The following DROSHA variants were observed in gnomAD, a reference collection of about 807,000 sequenced individuals.
The protein encoded by DROSHA is ribonuclease 3.
A neutral mutation model predicts 181.9 loss-of-function variants in DROSHA; 56 were observed. That is an observed-to-expected ratio of 0.31 (90% CI 0.25 to 0.38). The LOEUF (loss-of-function observed/expected upper bound fraction) is 0.38, where lower values mean the gene tolerates loss of function less well. DROSHA is among the 10% of genes least tolerant of loss of function. The probability of loss-of-function intolerance (pLI) is 1.00; values close to 1 mark genes in which losing one functional copy is unlikely to be tolerated. For synonymous variants in DROSHA, 524 were observed against 591.2 expected, an observed-to-expected ratio of 0.89 and a Z score of 1.65; for missense variants, 1,218 against 1,743.5, an observed-to-expected ratio of 0.70 and a Z score of 5.37.
intron 28 of DROSHA, among the ~76,000 whole-genome samples, 167 bp downstream of exon 28, chr5:31,424,260 A>T (rs1026702290): frequency 6.6e-6 from 1 of 152,176 alleles, no homozygotes; most frequent in African/African-American, 2.4e-5. Flanking sequence ...GCATGGGTTC[A>T]TTCTCCTATT....
chr5:31,408,373 T>G (rs998074488), intron 33 of DROSHA, among the ~76,000 whole-genome samples: 13 of 152,216 alleles, frequency 8.5e-5, no homozygotes, highest in African/African-American at 3.1e-4. Context: ...AATCCTTTCA[T>G]TTTGTAATTC....
intron 35 of DROSHA, among the ~76,000 whole-genome samples, chr5:31,403,416 C>CAT (rs10667931): frequency 0.046 from 7,031 of 152,008 alleles, 243 homozygotes; most frequent in East Asian, 0.17. Context: ...TACATATATA[C>CAT]ATATATATAC....
Position 31,526,535 on chromosome 5 carries a change from G to A in DROSHA, c.398C>T (p.Pro133Leu). 3.2e-6 allele frequency: 5 copies of A among 1,557,048 alleles called. No individual in the cohort carries two copies. The highest frequency in any genetic ancestry group is 4.3e-6 in the Non-Finnish European group (5 of 1,151,914). ...PMPCPNNPPV[P>L]GAPPGQGTFP... Reference sequence around the variant, plus strand: ...AGTGCCTTGTCCAGGAGGTGCCCCAGGGACTGGGGGGTTATTAGGACAAGG... The same window carrying A: ...AGTGCCTTGTCCAGGAGGTGCCCCAAGGACTGGGGGGTTATTAGGACAAGG... Residue 133 changes from proline to leucine, a missense_variant, in exon 5 of 36, where the codon CCT (proline) becomes CTT (leucine). Pro to Leu is a moderately conservative substitution (Grantham distance 98, BLOSUM62 -3). This residue lies in a region of DROSHA where 536 missense variants were observed against 535.4 expected (regional missense o/e 1.00). Coordinates refer to ENST00000344624, the MANE Select transcript of DROSHA (RefSeq NM_001382508.1).
At chr5:31,463,119 T>C (rs1220391209) in intron 20 of DROSHA, among the ~76,000 whole-genome samples, 1 of 152,164 alleles carries the variant, frequency 6.6e-6, no homozygotes, top group Non-Finnish European at 1.5e-5. Context: ...AGAGAATCAA[T>C]GGAAGTAAAA....
At chr5:31,402,839 G>GAGCGCAGTCCCTCAGCTCACTGC (rs1337028213) in intron 35 of DROSHA, among the ~76,000 whole-genome samples, 4 of 152,204 alleles carry the variant, frequency 2.6e-5, no homozygotes, top group South Asian at 2.1e-4. Context: ...AATCTCGCTG[G>GAGCGCAGTCCCTCAGCTCACTGC]AGCGCAGTCC....
At chr5:31,446,272 CT>C (rs1359536694) in intron 23 of DROSHA, among the ~76,000 whole-genome samples, 1 of 151,616 alleles carries the variant, frequency 6.6e-6, no homozygotes, top group Non-Finnish European at 1.5e-5. Context: ...CAGTGAGACC[CT>C]GTCTCTACTA....
chr5:31,486,885 A>C (rs1321274748), intron 13 of DROSHA, among the ~76,000 whole-genome samples: 1 of 152,124 alleles, frequency 6.6e-6, no homozygotes, highest in African/African-American at 2.4e-5. Flanking sequence ...AACCATAAAC[A>C]TTTCTGTTTC....
chr5:31,516,417 G>T (rs1739277257), intron 6 of DROSHA, among the ~76,000 whole-genome samples: 1 of 152,122 alleles, frequency 6.6e-6, no homozygotes. Flanking sequence ...TACTATCCAT[G>T]TAAGTTTACA....
intron 20 of DROSHA, 105 bp downstream of exon 20, chr5:31,464,131 G>T: frequency 1.1e-6 from 1 of 922,154 alleles, no homozygotes; most frequent in South Asian, 1.6e-5. Context: ...TAGTCTCAAG[G>T]TAGTATTTTC....
intron 29 of DROSHA, among the ~76,000 whole-genome samples, 153 bp from the exon 30 acceptor site, chr5:31,421,530 G>T (rs1054888635): frequency 3.3e-5 from 5 of 152,088 alleles, no homozygotes; most frequent in African/African-American, 1.2e-4. Flanking sequence ...AAGGCCCCTC[G>T]ATTGAGAAGA....
At chr5:31,528,250 A>G (rs768273452) in intron 4 of DROSHA, among the ~76,000 whole-genome samples, 54 of 152,106 alleles carry the variant, frequency 3.6e-4, no homozygotes, top group Admixed American at 4.6e-4. Context: ...TTACACCTTT[A>G]GCCCACAACT....
chr5:31,496,523 G>T (rs72751601), intron 11 of DROSHA, among the ~76,000 whole-genome samples: 1 of 152,356 alleles, frequency 6.6e-6, no homozygotes, highest in Non-Finnish European at 1.5e-5. Flanking sequence ...GGTGGCAGCT[G>T]CATAAACCCA....
intron 27 of DROSHA, among the ~76,000 whole-genome samples, chr5:31,425,874 T>C (rs980203131): frequency 8.5e-5 from 13 of 152,246 alleles, no homozygotes; most frequent in African/African-American, 2.6e-4. Context: ...AAGATAATTG[T>C]AGGACCTACT....
intron 20 of DROSHA, among the ~76,000 whole-genome samples, chr5:31,459,661 TAG>T (rs1202726214): frequency 6.6e-6 from 1 of 152,220 alleles, no homozygotes; most frequent in Non-Finnish European, 1.5e-5. Context: ...TCTGAATCTC[TAG>T]AGATGTTACT....
intron 35 of DROSHA, 65 bp downstream of exon 35, chr5:31,405,608 TCCTC>T: frequency 7.3e-7 from 1 of 1,369,256 alleles, no homozygotes; most frequent in Non-Finnish European, 1.0e-6. Context: ...TTTTTCTCCT[TCCTC>T]ATTTCCTTTC....
chr5:31,519,171 T>G (rs1390646566), intron 6 of DROSHA, among the ~76,000 whole-genome samples: 1 of 152,202 alleles, frequency 6.6e-6, no homozygotes, highest in Admixed American at 6.5e-5. Context: ...CTACCTTCTC[T>G]GCAAGCTACC....
chr5:31,441,711 A>G (rs1168365974), intron 23 of DROSHA, among the ~76,000 whole-genome samples: 1 of 152,208 alleles, frequency 6.6e-6, no homozygotes, highest in Non-Finnish European at 1.5e-5. Context: ...TCCTCCTGCA[A>G]TTTCAAGAAA....
intron 19 of DROSHA, among the ~76,000 whole-genome samples, chr5:31,465,668 G>A (rs76818556): frequency 0.036 from 5,538 of 152,154 alleles, 201 homozygotes; most frequent in African/African-American, 0.095. Flanking sequence ...AGGTTTTTGC[G>A]TCATGGGTGG....
chr5:31,517,399 G>T (rs904809001), intron 6 of DROSHA, among the ~76,000 whole-genome samples: 1 of 152,022 alleles, frequency 6.6e-6, no homozygotes, highest in East Asian at 1.9e-4. Flanking sequence ...GTTAAAAAAA[G>T]ATTTTATATT....
Sources: gnomAD v4.1 joint callset for allele counts (sites outside exome capture counted in the v4.1 genomes callset) on GRCh38, gnomAD v4.1.1 for gene constraint, gnomAD v4.1.1 regional missense constraint, MANE v1.5 for transcripts, NCBI Gene and HGNC (gene_info 2026-07-23, HGNC 2026-07-21) for gene names.